CHD2: variants seen among roughly 807,000 people sequenced by gnomAD.
The protein encoded by CHD2 is chromodomain helicase DNA binding protein 2.
Under a neutral mutation model 243.9 loss-of-function variants are expected in CHD2, and 28 were observed. That is an observed-to-expected ratio of 0.11 (90% CI 0.09 to 0.16). The LOEUF (loss-of-function observed/expected upper bound fraction) is 0.16. Among genes scored for constraint, CHD2 ranks in the 10% least tolerant of loss-of-function variants. The pLI is 1.00. For synonymous variants in CHD2, 775 were observed against 779.0 expected (o/e 0.99, Z 0.09); for missense variants, 1,386 against 2,209.8 (o/e 0.63, Z 7.47).
At chr15:92,993,559 T>C (rs1229764281) in intron 28 of CHD2, among the ~76,000 whole-genome samples, 1 of 115,768 alleles carries the variant, frequency 8.6e-6, no homozygotes, top group East Asian at 4.8e-4. Flanking sequence ...TCCTGTGTGA[T>C]ATCTTTAAAA....
chr15:93,024,129 T>A (rs1348507400), intron 38 of CHD2, among the ~76,000 whole-genome samples: 1 of 149,098 alleles, frequency 6.7e-6, no homozygotes, highest in Non-Finnish European at 1.5e-5. Flanking sequence ...GGAGTGAGTT[T>A]GCAAAAGCCA....
chr15:92,997,482 A>G lies in CHD2; in HGVS notation c.3885+79A>G, dbSNP rs1313253167. The stretch of plus-strand genomic sequence containing the variant: ...TTATATCGATTACTTATTTCTAACT[A>G]TTTTCGAGGGGGCATCAAATTAGAA... On this transcript the variant is annotated intron_variant, in intron 30 of 38. Coordinates refer to ENST00000394196, the MANE Select transcript of CHD2 (RefSeq NM_001271.4). The surrounding 1 kb of genome is among the most constrained non-coding windows in gnomAD (Gnocchi z 4.1). 10 of 1,298,740 alleles carry G rather than the reference A, an allele frequency of 7.7e-6. No homozygotes were observed. The highest frequency in any genetic ancestry group is 1.0e-5 in the Non-Finnish European group (10 of 967,762). 80.5% of individuals were successfully genotyped at this position (1,298,740 alleles called of 1,614,324 possible).
At chr15:92,982,955 G>A (rs915372964) in intron 24 of CHD2, among the ~76,000 whole-genome samples, 10 of 152,174 alleles carry the variant, frequency 6.6e-5, no homozygotes, top group African/African-American at 2.4e-4. Flanking sequence ...CAGTTCTGAA[G>A]ATTTGAAGTT....
In CHD2 at chr15:92,937,563, C is replaced by T. The variant is rs1382821095; in HGVS notation, c.489C>T (p.Gly163=). 1.2e-6 allele frequency: 2 copies of T among 1,613,316 alleles called. No individual in the cohort carries two copies. Among genetic ancestry groups the T allele is most frequent in the Non-Finnish European group, 1.7e-6 (2 of 1,179,642 alleles). ...QEPSEDEQEQ[G]TSAESEPEQK... ...CCTCAGAAGATGAACAGGAACAAGGCACCAGTGCAGAGAGTGAGCCAGAAC... is the reference window on the plus strand; with the variant it reads ...CCTCAGAAGATGAACAGGAACAAGGTACCAGTGCAGAGAGTGAGCCAGAAC... The change falls in exon 6 of 39, where the codon GGC becomes GGT. Residue 163 remains glycine, a synonymous_variant. Coordinates refer to ENST00000394196, the MANE Select transcript of CHD2 (RefSeq NM_001271.4).
chr15:92,904,162 C>G (rs528586088), intron 2 of CHD2, among the ~76,000 whole-genome samples: 11 of 152,246 alleles, frequency 7.2e-5, no homozygotes, highest in South Asian at 2.1e-4. Context: ...CTTTGAGCCC[C>G]TGGCATCTTG....
chr15:92,974,993 G>A (rs1195479484), intron 20 of CHD2, 43 bp downstream of exon 20: 2 of 1,488,270 alleles, frequency 1.3e-6, no homozygotes, highest in Admixed American at 1.7e-5. Context: ...CTTGGGCTCT[G>A]CATCAAGGGG....
Position 92,937,528 on chromosome 15 carries a change from A to G in CHD2, c.454A>G (p.Lys152Glu). 6.2e-7 allele frequency: 1 copy of G among 1,606,236 alleles called. No homozygotes were observed. The highest frequency in any genetic ancestry group is 8.5e-7 in the Non-Finnish European group (1 of 1,177,372). ...QRQLKKQEKW[K>E]QEPSEDEQEQ... ...TGCTTTTGATCACAGAGAAAAATGGAAACAGGAACCCTCAGAAGATGAACA... is the reference window on the plus strand; with the variant it reads ...TGCTTTTGATCACAGAGAAAAATGGGAACAGGAACCCTCAGAAGATGAACA... Residue 152 changes from lysine (K) to glutamate (E), a missense_variant, in exon 6 of 39, where the codon AAA becomes GAA. Physicochemically the swap from Lys to Glu is moderately conservative, Grantham distance 56 (BLOSUM62 1). This residue lies in a region of CHD2 where 90 missense variants were observed against 78.0 expected (regional missense o/e 1.15). Transcript: ENST00000394196.
At chr15:92,961,193 C>G (rs1410099581) in intron 16 of CHD2, among the ~76,000 whole-genome samples, 1 of 152,122 alleles carries the variant, frequency 6.6e-6, no homozygotes, top group East Asian at 1.9e-4. Context: ...TAAATATTTA[C>G]TAGAATTCAC....
intron 5 of CHD2, among the ~76,000 whole-genome samples, chr15:92,935,201 A>G (rs558705067): frequency 6.6e-6 from 1 of 151,870 alleles, no homozygotes. Flanking sequence ...ACGCCTGGCT[A>G]ATTGTTTTGT....
chr15:92,939,714 G>GCTCTTC lies in CHD2; in HGVS notation c.688_689insCTCTTC (p.Val230delinsAlaLeuLeu). On this transcript the variant is annotated protein_altering_variant, in exon 7 of 39. Transcript: ENST00000394196. ...GACTCGTCGAAGAGCGGCTAAAAAC[G>GCTCTTC]TTAGGTAAGTTGTACCCCAGAAGTG... 1 of 1,613,148 alleles carries GCTCTTC rather than the reference G, an allele frequency of 6.2e-7. No homozygotes were observed. Among genetic ancestry groups the GCTCTTC allele is most frequent in the East Asian group, 2.2e-5 (1 of 44,876 alleles).
chr15:92,911,654 G>A (rs182218176), intron 2 of CHD2, among the ~76,000 whole-genome samples: 83 of 152,168 alleles, frequency 5.5e-4, no homozygotes, highest in African/African-American at 2.0e-3. Context: ...AGAGACGCTT[G>A]AACCTGGGAG....
chr15:92,955,697 G>A (rs1262378193), intron 15 of CHD2, among the ~76,000 whole-genome samples, 185 bp downstream of exon 15: 1 of 152,092 alleles, frequency 6.6e-6, no homozygotes, highest in African/African-American at 2.4e-5. Flanking sequence ...CAAAAAGCAA[G>A]CAAATGAACA....
intron 2 of CHD2, among the ~76,000 whole-genome samples, chr15:92,907,999 T>C (rs2052653035): frequency 6.9e-6 from 1 of 144,652 alleles, no homozygotes; most frequent in Non-Finnish European, 1.5e-5. Context: ...CATCCTCTCT[T>C]AGAATTTTTT....
In CHD2 at chr15:92,997,178, A is replaced by G; in HGVS notation, c.3735-75A>G. On this transcript the variant is annotated intron_variant, in intron 29 of 38. Transcript: ENST00000394196. This position sits in a 1 kb window ranked among gnomAD's most constrained non-coding sequence, Gnocchi z 4.1. ...GTTAGACTTTGTGTAGTTCCATAGT[A>G]TTTTTACTGTCTCTTCTTTAACATA... 1.9e-6 allele frequency: 3 copies of G among 1,607,396 alleles called. No homozygotes were observed. The highest frequency in any genetic ancestry group is 8.5e-7 in the Non-Finnish European group (1 of 1,177,404).
intron 2 of CHD2, among the ~76,000 whole-genome samples, chr15:92,916,757 T>A (rs1337527012): frequency 6.6e-6 from 1 of 152,204 alleles, no homozygotes; most frequent in African/African-American, 2.4e-5. Context: ...TTTCACCATG[T>A]GGTCCAGGAT....
In CHD2 at chr15:92,971,882, A is replaced by G. The variant is rs1306430232; in HGVS notation, c.2307A>G (p.Lys769=). 3 of 1,612,850 alleles carry G rather than the reference A, an allele frequency of 1.9e-6. No individual in the cohort carries two copies. Among genetic ancestry groups the G allele is most frequent in the Non-Finnish European group, 2.5e-6 (3 of 1,179,658 alleles). Residue 769 remains lysine, a synonymous_variant, in exon 18 of 39, where the codon AAA becomes AAG. Coordinates refer to ENST00000394196, the MANE Select transcript of CHD2 (RefSeq NM_001271.4). ...KKCCNHCYLI[K]PPEENERENG... ...GTTGCAACCACTGCTATCTGATTAA[A>G]CCCCCTGAAGAAAATGAAAGGGAAA...
At chr15:92,988,684 C>T (rs1395016619) in intron 26 of CHD2, among the ~76,000 whole-genome samples, 1 of 152,064 alleles carries the variant, frequency 6.6e-6, no homozygotes, top group Non-Finnish European at 1.5e-5. Context: ...GGGATAATCT[C>T]AATTGGCCTA....
At chr15:92,979,088 G>T in intron 21 of CHD2, 47 bp from the exon 22 acceptor site, 1 of 1,594,138 alleles carries the variant, frequency 6.3e-7, no homozygotes, top group Non-Finnish European at 8.5e-7. Flanking sequence ...TTTTGGGGGG[G>T]TTGGGGGGTG....
chr15:92,984,284 T>G lies in CHD2; in HGVS notation c.3067-46T>G, dbSNP rs777495106. The G allele has an allele frequency of 9.8e-6, 14 of 1,421,564 alleles. No homozygotes were observed. In the South Asian group the frequency reaches 2.3e-4, roughly 23 times the overall value. The allele number at this position is 1,421,564 out of a possible 1,614,324, so 88.1% of individuals were successfully genotyped here. ...CTGGATAAATTGTTTTAGTAGATGG[T>G]GTTTAGAAATAGGGAAATGTCAGAC... On this transcript the variant is annotated intron_variant, in intron 24 of 38. Transcript: ENST00000394196.
Sources: allele counts gnomAD v4.1 joint callset (sites outside exome capture counted in the v4.1 genomes callset), GRCh38; gene constraint gnomAD v4.1.1; regional missense constraint gnomAD v4.1.1; non-coding constraint Gnocchi (gnomAD v3.1); transcripts MANE v1.5; gene names NCBI Gene and HGNC (gene_info 2026-07-23, HGNC 2026-07-21).